TMEM40: variants seen among roughly 807,000 people sequenced by gnomAD.
TMEM40 encodes transmembrane protein 40.
Under a neutral mutation model 40.8 loss-of-function variants are expected in TMEM40, and 34 were observed. The observed-to-expected ratio is 0.83, with a 90% CI of 0.63 to 1.11. The LOEUF (loss-of-function observed/expected upper bound fraction) is 1.11. TMEM40 is among the 50% of genes least tolerant of loss of function. The pLI is 0.00. For missense variants in TMEM40, 296 were observed against 280.2 expected (o/e 1.06, Z -0.40); for synonymous variants, 106 against 107.0 (o/e 0.99, Z 0.06).
intron 1 of TMEM40, among the ~76,000 whole-genome samples, chr3:12,755,237 T>TCTCTCTCTCTCTC (rs1559533397): frequency 2.1e-5 from 1 of 46,560 alleles, no homozygotes; most frequent in African/African-American, 8.8e-5. Context: ...CTCTCTCTCT[T>TCTCTCTCTCTCTC]TCTTTCTTTC....
intron 4 of TMEM40, among the ~76,000 whole-genome samples, chr3:12,743,188 C>T (rs73137823): frequency 1.1e-3 from 167 of 152,300 alleles, no homozygotes; most frequent in African/African-American, 3.9e-3. Flanking sequence ...ACATGCTCGG[C>T]CAGGCACGGT....
At chr3:12,738,852 T>A in intron 5 of TMEM40, 1 of 454,840 alleles carries the variant, frequency 2.2e-6, no homozygotes, top group Non-Finnish European at 4.0e-6. Context: ...CAGGTAAACT[T>A]CCCAATTATG....
rs922245044 is a variant in TMEM40, at chr3:12,734,391, G to A, written c.*383C>T. Reference sequence around the variant, plus strand: ...GGATGGCTCGGTAGCACCTGAGAGCGCATGCAGATAGCCTGGGATTTGAGA... The same window carrying A: ...GGATGGCTCGGTAGCACCTGAGAGCACATGCAGATAGCCTGGGATTTGAGA... On this transcript the variant is annotated 3_prime_UTR_variant, in exon 12 of 12. Transcript: ENST00000314124. 4.0e-5 allele frequency: 8 copies of A among 202,264 alleles called. No homozygotes were observed. Among genetic ancestry groups the A allele is most frequent in the Admixed American group, 5.6e-5 (1 of 17,940 alleles). The allele number at this position is 202,264 out of a possible 1,614,324, so 12.5% of individuals were successfully genotyped here. A position where few individuals can be genotyped will look rare whatever the true frequency, so the allele number is the denominator to read the frequency against.
intron 1 of TMEM40, among the ~76,000 whole-genome samples, chr3:12,755,233 C>CTTTCTTTCTTTCTTTCTTTCTT (rs56969040): frequency 2.3e-4 from 14 of 59,874 alleles, no homozygotes; most frequent in African/African-American, 7.2e-4. Context: ...CTCTCTCTCT[C>CTTTCTTTCTTTCTTTCTTTCTT]TCTTTCTTTC....
intron 1 of TMEM40, among the ~76,000 whole-genome samples, chr3:12,755,233 C>CTT (rs56969040): frequency 0.015 from 894 of 59,916 alleles, 19 homozygotes; most frequent in Non-Finnish European, 0.02. Context: ...CTCTCTCTCT[C>CTT]TCTTTCTTTC....
At chr3:12,761,460 GC>G (rs930403535), upstream of TMEM40, among the ~76,000 whole-genome samples, 3 of 152,072 alleles carry the variant, frequency 2.0e-5, no homozygotes, top group Non-Finnish European at 4.4e-5. Context: ...CAAAAAATTA[GC>G]TGGGTGTGGT....
At chr3:12,755,056 CTTCCTTCT>C (rs1223634045) in intron 1 of TMEM40, among the ~76,000 whole-genome samples, 3 of 126,696 alleles carry the variant, frequency 2.4e-5, no homozygotes, top group African/African-American at 6.0e-5. Context: ...TCTTCCTTTC[CTTCCTTCT>C]TTCCTTCTTT....
chr3:12,760,114 C>T (rs2061558701), upstream of TMEM40, among the ~76,000 whole-genome samples: 1 of 152,116 alleles, frequency 6.6e-6, no homozygotes, highest in Non-Finnish European at 1.5e-5. Flanking sequence ...TCCTGTTGGT[C>T]CTGCCTTCAG....
intron 3 of TMEM40, 74 bp downstream of exon 3, chr3:12,748,581 C>T: frequency 6.5e-7 from 1 of 1,544,388 alleles, no homozygotes; most frequent in Non-Finnish European, 8.7e-7. Context: ...TCAATGACTT[C>T]AAGTATGGGG....
intron 4 of TMEM40, among the ~76,000 whole-genome samples, chr3:12,743,160 C>T (rs1459697598): frequency 1.3e-5 from 2 of 152,158 alleles, no homozygotes; most frequent in African/African-American, 4.8e-5. Flanking sequence ...AAAATTATTT[C>T]CTGGTTGTAA....
chr3:12,756,064 C>T (rs6770851), intron 1 of TMEM40, among the ~76,000 whole-genome samples: 31,345 of 151,994 alleles, frequency 0.21, 3,956 homozygotes, highest in African/African-American at 0.37. Context: ...GAAAGGAGTC[C>T]GACACATGAA....
chr3:12,735,523 A>G lies in TMEM40; in HGVS notation c.682+32T>C, dbSNP rs775474002. 3 of 1,605,914 alleles carry G rather than the reference A, an allele frequency of 1.9e-6. No homozygotes were observed. In the East Asian group the frequency reaches 6.7e-5, roughly 36 times the overall value. ...AAATGAAGACCCTGCTAGGGAGAAA[A>G]TGAGTGAACACAGGAAGACTTTAAA... On this transcript the variant is annotated intron_variant, in intron 11 of 11. Transcript: ENST00000314124.
At position 12,734,632 on chromosome 3, in the gene TMEM40, A is replaced by G. The variant is rs184140764; in HGVS notation, c.*142T>C. On this transcript the variant is annotated 3_prime_UTR_variant, in exon 12 of 12. Coordinates refer to ENST00000314124, the MANE Select transcript of TMEM40 (RefSeq NM_018306.4). ...CCGGGCTGGTGCCAACATTCAGACC[A>G]CATGGAAGGAAAAGTGTTCTGTTTA... 1.0e-6 allele frequency: 1 copy of G among 984,530 alleles called. No individual in the cohort carries two copies. Among genetic ancestry groups the G allele is most frequent in the African/African-American group, 1.6e-5 (1 of 62,548 alleles). 61.0% of individuals were successfully genotyped at this position (984,530 alleles called of 1,614,324 possible).
chr3:12,742,831 G>T (rs1281135752), intron 4 of TMEM40, among the ~76,000 whole-genome samples: 1 of 152,148 alleles, frequency 6.6e-6, no homozygotes, highest in African/African-American at 2.4e-5. Flanking sequence ...TACCTCATTT[G>T]CTCCTCACGG....
rs2061450665 is a variant in TMEM40, at chr3:12,748,876, T to C, written c.74-84A>G. 5 of 1,255,748 alleles carry C rather than the reference T, an allele frequency of 4.0e-6. No homozygotes were observed. The African/African-American group carries it at 7.6e-5, about 19-fold the overall frequency. 77.8% of individuals were successfully genotyped at this position (1,255,748 alleles called of 1,614,324 possible). A position where few individuals can be genotyped will look rare whatever the true frequency, so the allele number is the denominator to read the frequency against. On this transcript the variant is annotated intron_variant, in intron 2 of 11. Transcript: ENST00000314124. ...CACCCAGTCCTCTCCAGGGTTCTAC[T>C]TGGATTTGGAGAGCCAGGAAGGACT... is the stretch of plus-strand genomic sequence containing the variant.
intron 4 of TMEM40, 65 bp from the exon 5 acceptor site, chr3:12,742,572 C>A: frequency 1.3e-6 from 2 of 1,574,692 alleles, no homozygotes; most frequent in African/African-American, 1.3e-5. Context: ...ACTTCCCTCT[C>A]CCATGGCTTC....
intron 1 of TMEM40, among the ~76,000 whole-genome samples, chr3:12,751,340 G>T (rs1452063532): frequency 3.3e-5 from 5 of 150,176 alleles, no homozygotes; most frequent in Non-Finnish European, 7.4e-5. Context: ...GGAGTGCAGT[G>T]GCATGATCTC....
chr3:12,753,985 C>G (rs1023819509), intron 1 of TMEM40, among the ~76,000 whole-genome samples: 3 of 152,138 alleles, frequency 2.0e-5, no homozygotes, highest in African/African-American at 7.2e-5. Flanking sequence ...GGGAGGCAGA[C>G]TGGAGATTAC....
upstream of TMEM40, among the ~76,000 whole-genome samples, chr3:12,763,159 CA>C (rs536186442): frequency 0.14 from 7,857 of 56,356 alleles, 72 homozygotes; most frequent in East Asian, 0.22. Flanking sequence ...GACTCTGTCT[CA>C]AAAAAAAAAA....
Sources: gnomAD v4.1 joint callset for allele counts (sites outside exome capture counted in the v4.1 genomes callset) on GRCh38, gnomAD v4.1.1 for gene constraint, MANE v1.5 for transcripts, NCBI Gene and HGNC (gene_info 2026-07-23, HGNC 2026-07-21) for gene names.